Variants in RTF2 observed in about 807,000 individuals in gnomAD.
RTF2 encodes the protein replication termination factor 2.
In RTF2, 18 loss-of-function variants were observed where a neutral mutation model predicts 38.0. The ratio of observed to expected loss-of-function variants is 0.47; its 90% CI spans 0.33 to 0.70. The LOEUF is 0.70. Ranked by LOEUF, RTF2 falls within the 30% of genes least tolerant of loss-of-function variation. The pLI is 0.02. For synonymous variants in RTF2, 126 were observed against 137.1 expected (o/e 0.92, Z 0.57); for missense variants, 311 against 379.6 (o/e 0.82, Z 1.50).
intron 5 of RTF2, among the ~76,000 whole-genome samples, chr20:56,506,800 A>C (rs1984304649): frequency 6.6e-6 from 1 of 151,776 alleles, no homozygotes; most frequent in African/African-American, 2.4e-5. Context: ...TCCCAGCTTC[A>C]CGCCATTCTC....
At chr20:56,512,151 A>AC (rs1363414019) in intron 5 of RTF2, among the ~76,000 whole-genome samples, 1 of 151,838 alleles carries the variant, frequency 6.6e-6, no homozygotes, top group East Asian at 1.9e-4. Flanking sequence ...CCAGTCTTAG[A>AC]CCCCTCATTT....
At chr20:56,478,233 A>C (rs529388342) in intron 4 of RTF2, among the ~76,000 whole-genome samples, 38 of 152,324 alleles carry the variant, frequency 2.5e-4, no homozygotes, top group Middle Eastern at 3.4e-3. Flanking sequence ...TCCCACCTAT[A>C]ATCCCAGCAC....
intron 2 of RTF2, 30 bp downstream of exon 2, chr20:56,473,425 TTTG>T (rs1405012717): frequency 6.9e-7 from 1 of 1,458,300 alleles, no homozygotes; most frequent in Admixed American, 1.9e-5. Context: ...TCAAGATGAG[TTTG>T]TTAAGTGATT....
At chr20:56,482,006 G>T (rs1443913342) in intron 4 of RTF2, among the ~76,000 whole-genome samples, 1 of 152,222 alleles carries the variant, frequency 6.6e-6, no homozygotes, top group East Asian at 1.9e-4. Flanking sequence ...CCTGCAGCCT[G>T]TTGCTCTGAT....
chr20:56,519,130 G>C lies in RTF2; in HGVS notation c.*865G>C, dbSNP rs1985243480. On this transcript the variant is annotated 3_prime_UTR_variant, in exon 9 of 9. Transcript: ENST00000357348. ...CCTAATGAAGAACCAAGAGCCACAG[G>C]CCTCTGCGTGGCTTTCTGCACACGG... 6.6e-6 allele frequency: 1 copy of C among 152,224 alleles called. No individual in the cohort carries two copies. Among genetic ancestry groups the C allele is most frequent in the African/African-American group, 2.4e-5 (1 of 41,440 alleles). 9.4% of individuals were successfully genotyped at this position (152,224 alleles called of 1,614,324 possible). A position where few individuals can be genotyped will look rare whatever the true frequency, so the allele number is the denominator to read the frequency against.
intron 3 of RTF2, among the ~76,000 whole-genome samples, chr20:56,475,293 G>A (rs575015896): frequency 6.6e-6 from 1 of 152,286 alleles, no homozygotes; most frequent in Admixed American, 6.5e-5. Context: ...AAGAATTTGA[G>A]AACCATCAGG....
chr20:56,498,198 T>C (rs1251042396), intron 5 of RTF2, among the ~76,000 whole-genome samples: 2 of 152,242 alleles, frequency 1.3e-5, no homozygotes, highest in African/African-American at 4.8e-5. Context: ...GCCATTATTC[T>C]GCATATAAGA....
intron 5 of RTF2, among the ~76,000 whole-genome samples, chr20:56,507,793 C>T (rs925069381): frequency 5.3e-5 from 8 of 152,184 alleles, no homozygotes; most frequent in Non-Finnish European, 1.0e-4. Context: ...GCCACAGCTC[C>T]AGGCCCCACT....
chr20:56,472,808 G>A (rs747106950), intron 1 of RTF2, among the ~76,000 whole-genome samples: 33 of 152,020 alleles, frequency 2.2e-4, no homozygotes, highest in South Asian at 4.1e-4. Flanking sequence ...TTAGATGGGC[G>A]TTTATTTGAT....
intron 6 of RTF2, chr20:56,513,738 G>A (rs769351869): frequency 8.2e-5 from 23 of 280,286 alleles, no homozygotes; most frequent in Non-Finnish European, 1.3e-4. Context: ...ACACTGACAC[G>A]GCCTCAGCAA....
chr20:56,489,221 ATTT>A (rs11481363), intron 5 of RTF2, among the ~76,000 whole-genome samples: 6 of 136,724 alleles, frequency 4.4e-5, no homozygotes, highest in Non-Finnish European at 6.2e-5. Context: ...ATGCCTGGTT[ATTT>A]TTTTTTTTTT....
rs558394830 is a variant in RTF2, at chr20:56,518,325, G to A, written c.*60G>A. ...TGTTTAGTTTCCACGTAGGCAGGTCGCTTTGTGCCTCTGAGTGCGCTGCTG... is the reference window on the plus strand; with the variant it reads ...TGTTTAGTTTCCACGTAGGCAGGTCACTTTGTGCCTCTGAGTGCGCTGCTG... On this transcript the variant is annotated 3_prime_UTR_variant, in exon 9 of 9. Coordinates refer to ENST00000357348, the MANE Select transcript of RTF2 (RefSeq NM_016407.5). 155 of 1,506,492 alleles carry A rather than the reference G, an allele frequency of 1.0e-4. No individual in the cohort carries two copies. The highest frequency in any genetic ancestry group is 7.2e-4 in the African/African-American group (52 of 72,030). 93.3% of individuals were successfully genotyped at this position (1,506,492 alleles called of 1,614,324 possible). A position where few individuals can be genotyped will look rare whatever the true frequency, so the allele number is the denominator to read the frequency against.
At chr20:56,474,015 T>G (rs1441341510) in intron 2 of RTF2, among the ~76,000 whole-genome samples, 2 of 152,198 alleles carry the variant, frequency 1.3e-5, no homozygotes, top group Non-Finnish European at 2.9e-5. Flanking sequence ...GCCACTCAGT[T>G]CCAGCCAGTT....
intron 5 of RTF2, among the ~76,000 whole-genome samples, chr20:56,507,214 A>C (rs1370831934): frequency 3.9e-5 from 6 of 152,200 alleles, no homozygotes; most frequent in Admixed American, 3.9e-4. Flanking sequence ...CCTGTGGACC[A>C]GCTGTGACTT....
At chr20:56,487,100 C>T (rs1488027615) in intron 5 of RTF2, among the ~76,000 whole-genome samples, 1 of 152,094 alleles carries the variant, frequency 6.6e-6, no homozygotes, top group Non-Finnish European at 1.5e-5. Flanking sequence ...TTTTCTTACG[C>T]CCATAATAGT....
chr20:56,488,868 GTCTCAGCCTCCCTGCC>G (rs1025218267), intron 5 of RTF2, among the ~76,000 whole-genome samples: 2 of 152,130 alleles, frequency 1.3e-5, no homozygotes, highest in Non-Finnish European at 2.9e-5. Context: ...GCAGCTGCCT[GTCTCAGCCTCCCTGCC>G]TCTCGGCCTC....
intron 5 of RTF2, among the ~76,000 whole-genome samples, chr20:56,507,899 C>T (rs765469491): frequency 4.6e-5 from 7 of 152,180 alleles, no homozygotes; most frequent in Non-Finnish European, 8.8e-5. Flanking sequence ...CTACTCAGAC[C>T]TCCCATAGCG....
intron 5 of RTF2, among the ~76,000 whole-genome samples, chr20:56,492,417 A>G (rs1334732470): frequency 6.8e-6 from 1 of 147,908 alleles, no homozygotes; most frequent in Non-Finnish European, 1.5e-5. Context: ...ATTTGATACA[A>G]ACATTGAGGT....
intron 5 of RTF2, chr20:56,497,049 C>T: frequency 1.3e-6 from 2 of 1,551,576 alleles, no homozygotes; most frequent in African/African-American, 1.4e-5. Flanking sequence ...AACTTTCATA[C>T]AATTAATATC....
Sources: allele counts gnomAD v4.1 joint callset (sites outside exome capture counted in the v4.1 genomes callset), GRCh38; gene constraint gnomAD v4.1.1; transcripts MANE v1.5; gene names NCBI Gene and HGNC (gene_info 2026-07-23, HGNC 2026-07-21).